The following IQGAP3 variants were observed in gnomAD, a reference collection of about 807,000 sequenced individuals.
The protein encoded by IQGAP3 is IQ motif containing GTPase activating protein 3, also known as ras GTPase-activating-like protein IQGAP3.
Under a neutral mutation model 208.2 loss-of-function variants are expected in IQGAP3, and 165 were observed. The ratio of observed to expected loss-of-function variants is 0.79; its 90% CI spans 0.70 to 0.90. The LOEUF is 0.90. IQGAP3 is among the 40% of genes least tolerant of loss of function. The pLI is 0.00. For synonymous variants in IQGAP3, 703 were observed against 803.6 expected, an observed-to-expected ratio of 0.87 and a Z score of 2.12; for missense variants, 1,811 against 2,043.1, an observed-to-expected ratio of 0.89 and a Z score of 2.19.
In IQGAP3 at chr1:156,544,401, A is replaced by T. The variant is rs1675133892; in HGVS notation, c.2376T>A (p.Asp792Glu). 1 of 1,613,812 alleles carries T rather than the reference A, an allele frequency of 6.2e-7. No homozygotes were observed. Among genetic ancestry groups the T allele is most frequent in the Non-Finnish European group, 8.5e-7 (1 of 1,179,680 alleles). Residue 792 changes from aspartate to glutamate, a missense_variant, in exon 20 of 38, where the codon GAT (aspartate) becomes GAA (glutamate). Asp to Glu is a conservative substitution (Grantham distance 45). Transcript: ENST00000361170. ...CCACCGTAGCTACCTTGATTATGGC[A>T]TCCAGGTTTGCTTTAAAATACTGCA... ...EWLQYFKANLDAIIKIQAWAR... is the reference protein window; with the variant it reads ...EWLQYFKANLEAIIKIQAWAR...
chr1:156,537,400 C>T, intron 26 of IQGAP3, 79 bp from the exon 27 acceptor site: 1 of 1,373,784 alleles, frequency 7.3e-7, no homozygotes, highest in East Asian at 2.4e-5. Flanking sequence ...TCCTTAAACG[C>T]TTGTCTAACA....
chr1:156,571,043 G>T (rs187489884), intron 1 of IQGAP3, among the ~76,000 whole-genome samples: 1 of 152,126 alleles, frequency 6.6e-6, no homozygotes, highest in African/African-American at 2.4e-5. Context: ...GATCACAAAG[G>T]TATCTTCACT....
intron 19 of IQGAP3, 112 bp from the exon 20 acceptor site, chr1:156,544,584 A>C: frequency 1.2e-6 from 1 of 851,032 alleles, no homozygotes; most frequent in East Asian, 2.5e-5. Flanking sequence ...GGGCAGTTAA[A>C]TAGAGGGGGA....
intron 34 of IQGAP3, 108 bp downstream of exon 34, chr1:156,529,997 G>A (rs1674304452): frequency 1.2e-6 from 1 of 828,766 alleles, no homozygotes; most frequent in Admixed American, 2.2e-5. Context: ...ACAATTTTGG[G>A]TGAGGACTCA....
chr1:156,544,538 A>C (rs1376303128), intron 19 of IQGAP3, 66 bp from the exon 20 acceptor site: 2 of 1,383,322 alleles, frequency 1.4e-6, no homozygotes, highest in African/African-American at 2.8e-5. Context: ...GGCTTTTAAG[A>C]AAATCTTTGT....
At chr1:156,538,748 G>T in intron 26 of IQGAP3, 61 bp downstream of exon 26, 1 of 1,449,946 alleles carries the variant, frequency 6.9e-7, no homozygotes, top group Non-Finnish European at 9.7e-7. Context: ...TAGGGTCCAA[G>T]ACACAGCTGA....
Position 156,544,149 on chromosome 1 carries a change from C to CAT in IQGAP3, c.2460+2_2460+3insAT. Reference sequence around the variant, plus strand: ...TGGGCAGGGGGAACAAGGTGACACTCACATTCTTCTGGAAGTAGTGCAGAC... The same window carrying CAT: ...TGGGCAGGGGGAACAAGGTGACACTCATACATTCTTCTGGAAGTAGTGCAGAC... On this transcript the variant is annotated splice_region_variant and intron_variant, in intron 21 of 37. Transcript: ENST00000361170. 6.2e-7 allele frequency: 1 copy of CAT among 1,614,148 alleles called. No homozygotes were observed. Among genetic ancestry groups the CAT allele is most frequent in the Admixed American group, 1.7e-5 (1 of 60,024 alleles).
intron 2 of IQGAP3, 110 bp from the exon 3 acceptor site, chr1:156,566,656 T>A (rs1451101356): frequency 1.0e-6 from 1 of 1,004,184 alleles, no homozygotes; most frequent in Non-Finnish European, 1.5e-6. Flanking sequence ...GACCCTCCTC[T>A]GCTTCCTGTT....
At chr1:156,544,363 G>A (rs1200331785) in intron 20 of IQGAP3, 26 bp downstream of exon 20, 1 of 1,594,696 alleles carries the variant, frequency 6.3e-7, no homozygotes, top group Non-Finnish European at 8.6e-7. Context: ...TGAGAGAAAG[G>A]AGCCTGCCAA....
At position 156,553,581 on chromosome 1, in the gene IQGAP3, T is replaced by C. The variant is rs977187648; in HGVS notation, c.1448+654A>G. ...TTTCTTCTTTTCTTTTCTTTCTTTCTTTTTTTTTTTTTTTTTTGAGATGGA... is the reference window on the plus strand; with the variant it reads ...TTTCTTCTTTTCTTTTCTTTCTTTCCTTTTTTTTTTTTTTTTTGAGATGGA... On this transcript the variant is annotated intron_variant, in intron 13 of 37. Coordinates refer to ENST00000361170, the MANE Select transcript of IQGAP3 (RefSeq NM_178229.5). Among the ~76,000 whole-genome samples, 6 of 5,114 alleles carry C rather than the reference T, an allele frequency of 1.2e-3. No homozygotes were observed. The Non-Finnish European group carries it at 0.015, about 13-fold the overall frequency. 3.4% of individuals were successfully genotyped at this position (5,114 alleles called of 152,430 possible). A position where few individuals can be genotyped will look rare whatever the true frequency, so the allele number is the denominator to read the frequency against.
rs74116894 is a variant in IQGAP3, at chr1:156,561,063, G to A, written c.1042-42C>T. 4.6e-3 allele frequency: 6,535 copies of A among 1,434,600 alleles called. 207 individuals carry two copies. The African/African-American group carries it at 0.078, about 17-fold the overall frequency. 88.9% of individuals were successfully genotyped at this position (1,434,600 alleles called of 1,614,324 possible). A position where few individuals can be genotyped will look rare whatever the true frequency, so the allele number is the denominator to read the frequency against. The stretch of plus-strand genomic sequence containing the variant: ...ATACAGTAGAATGGAGTCCTTCCGG[G>A]GCCATGACCATGCTTTACGAGTTGC... On this transcript the variant is annotated intron_variant, in intron 10 of 37. Coordinates refer to ENST00000361170, the MANE Select transcript of IQGAP3 (RefSeq NM_178229.5).
In IQGAP3 at chr1:156,534,862, A is replaced by G. The variant is rs1674616600; in HGVS notation, c.3508-129T>C. 3 of 702,864 alleles carry G rather than the reference A, an allele frequency of 4.3e-6. No individual in the cohort carries two copies. In the South Asian group the frequency reaches 5.9e-5, roughly 14 times the overall value. The allele number at this position is 702,864 out of a possible 1,614,324, so 43.5% of individuals were successfully genotyped here. On this transcript the variant is annotated intron_variant, in intron 28 of 37. Transcript: ENST00000361170. ...CCCTCACTTCAAAGAAAACAGGCCC[A>G]GAGCAGGCAGACAACTTGCTTAAGG...
intron 32 of IQGAP3, 36 bp downstream of exon 32, chr1:156,532,944 C>T (rs200826958): frequency 8.1e-6 from 13 of 1,612,928 alleles, no homozygotes; most frequent in Middle Eastern, 1.7e-4. Flanking sequence ...GGCTGGGGAG[C>T]TCAGGTATGC....
At chr1:156,534,387 A>T in intron 29 of IQGAP3, 114 bp downstream of exon 29, 1 of 941,628 alleles carries the variant, frequency 1.1e-6, no homozygotes, top group Non-Finnish European at 1.6e-6. Flanking sequence ...CCCGCTCATT[A>T]TGCTCATCCC....
intron 4 of IQGAP3, among the ~76,000 whole-genome samples, chr1:156,565,534 A>C (rs1340256478): frequency 6.6e-6 from 1 of 152,278 alleles, no homozygotes; most frequent in Non-Finnish European, 1.5e-5. Flanking sequence ...GAGTTCACAC[A>C]GACCATGTGA....
At chr1:156,563,479 C>T in intron 7 of IQGAP3, 74 bp downstream of exon 7, 1 of 1,397,254 alleles carries the variant, frequency 7.2e-7, no homozygotes, top group South Asian at 1.3e-5. Flanking sequence ...CAGAACCCAT[C>T]CAATGGCTGT....
At chr1:156,564,568 C>A (rs763640182) in intron 5 of IQGAP3, 47 bp downstream of exon 5, 1 of 1,234,072 alleles carries the variant, frequency 8.1e-7, no homozygotes, top group Non-Finnish European at 1.2e-6. Context: ...GATTGTTGGT[C>A]GCATCCACCT....
rs1254607956 is a variant in IQGAP3, at chr1:156,548,478, G to T, written c.2003C>A (p.Ala668Asp). ...MAKKQRPADT[A>D]FWVQHDMKDG... The stretch of plus-strand genomic sequence containing the variant: ...CTTCATGTCATGTTGAACCCAGAAA[G>T]CTGTGTCTGCTAAGCAGAAACCAAG... Residue 668 changes from alanine (A) to aspartate (D), a missense_variant, in exon 18 of 38, where the codon GCT becomes GAT. Ala to Asp is a moderately radical substitution (Grantham distance 126). Transcript: ENST00000361170. The T allele has an allele frequency of 5.0e-6, 8 of 1,613,700 alleles. No individual in the cohort carries two copies. The highest frequency in any genetic ancestry group is 1.1e-5 in the South Asian group (1 of 91,046).
At chr1:156,547,720 T>A (rs1557932019) in intron 19 of IQGAP3, among the ~76,000 whole-genome samples, 1 of 152,242 alleles carries the variant, frequency 6.6e-6, no homozygotes, top group African/African-American at 2.4e-5. Flanking sequence ...TAACATGTTC[T>A]TACCTACCTC....
Sources: gnomAD v4.1 joint callset for allele counts (sites outside exome capture counted in the v4.1 genomes callset) on GRCh38, gnomAD v4.1.1 for gene constraint, MANE v1.5 for transcripts, NCBI Gene and HGNC (gene_info 2026-07-23, HGNC 2026-07-21) for gene names.